Variants in MDFIC2 observed in about 807,000 individuals in gnomAD.
MDFIC2 encodes myoD family inhibitor domain-containing protein 2.
chr3:70,261,143 T>C (rs1326335969), intron 2 of MDFIC2, among the ~76,000 whole-genome samples: 1 of 152,202 alleles, frequency 6.6e-6, no homozygotes, highest in Non-Finnish European at 1.5e-5. Flanking sequence ...TAGCAGATAA[T>C]ATTGTATTTC....
chr3:70,293,045 CAAAA>C (rs55990203), intron 2 of MDFIC2, among the ~76,000 whole-genome samples: 14 of 74,780 alleles, frequency 1.9e-4, no homozygotes, highest in African/African-American at 4.9e-4. Context: ...TGGTTTGAAG[CAAAA>C]AAAAAAAAAA....
At chr3:70,201,253 T>C (rs572673180) in intron 3 of MDFIC2, among the ~76,000 whole-genome samples, 11 of 152,262 alleles carry the variant, frequency 7.2e-5, no homozygotes, top group African/African-American at 2.6e-4. Flanking sequence ...TGTGTTTATG[T>C]GTTCTCATCA....
intron 2 of MDFIC2, among the ~76,000 whole-genome samples, chr3:70,290,572 C>T (rs1702225685): frequency 1.3e-5 from 2 of 152,258 alleles, no homozygotes; most frequent in African/African-American, 2.4e-5. Flanking sequence ...CCTCCTTGAG[C>T]TGTGGTGGGC....
At chr3:70,233,518 A>G (rs1701580709) in intron 2 of MDFIC2, among the ~76,000 whole-genome samples, 1 of 152,198 alleles carries the variant, frequency 6.6e-6, no homozygotes, top group South Asian at 2.1e-4. Context: ...ATAATTGACA[A>G]GGCTTTAAAG....
chr3:70,306,445 G>A (rs746453031), intron 2 of MDFIC2, among the ~76,000 whole-genome samples: 29 of 152,196 alleles, frequency 1.9e-4, no homozygotes, highest in Middle Eastern at 3.4e-3. Flanking sequence ...GATTGAAGTC[G>A]TCATGTGACT....
In MDFIC2 at chr3:70,195,726, C is replaced by A. The variant is rs1476593027; in HGVS notation, c.*1200G>T. Among the ~76,000 whole-genome samples, 1 of 152,012 alleles carries A rather than the reference C, an allele frequency of 6.6e-6. No homozygotes were observed. The highest frequency in any genetic ancestry group is 1.5e-5 in the Non-Finnish European group (1 of 68,004). On this transcript the variant is annotated 3_prime_UTR_variant, in exon 4 of 4. Coordinates refer to ENST00000567252, the MANE Select transcript of MDFIC2 (RefSeq NM_001364677.1). ...ATTCAGTGAAAATATTAAGATATAT[C>A]CATGGAAATTAACACAAAGTAATGA...
intron 3 of MDFIC2, among the ~76,000 whole-genome samples, chr3:70,198,162 A>T (rs921969531): frequency 6.6e-6 from 1 of 152,170 alleles, no homozygotes. Flanking sequence ...TAAAATCAGT[A>T]ATCTGAAGAT....
At chr3:70,253,474 C>A (rs1701788314) in intron 2 of MDFIC2, among the ~76,000 whole-genome samples, 2 of 152,196 alleles carry the variant, frequency 1.3e-5, no homozygotes, top group African/African-American at 4.8e-5. Context: ...TTTCATCCAG[C>A]TGGGCACAGT....
intron 2 of MDFIC2, among the ~76,000 whole-genome samples, chr3:70,229,027 G>A (rs1244173605): frequency 6.6e-6 from 1 of 152,108 alleles, no homozygotes; most frequent in Non-Finnish European, 1.5e-5. Flanking sequence ...ACCAATGCAG[G>A]GCACCCCACT....
chr3:70,291,796 A>G (rs1047417407), intron 2 of MDFIC2: 2 of 152,224 alleles, frequency 1.3e-5, no homozygotes, highest in African/African-American at 4.8e-5. Context: ...TAAATTTTGA[A>G]TAATACATTG....
At chr3:70,243,742 A>G (rs777755817) in intron 2 of MDFIC2, among the ~76,000 whole-genome samples, 2 of 152,136 alleles carry the variant, frequency 1.3e-5, no homozygotes, top group African/African-American at 2.4e-5. Context: ...TCACTGATCT[A>G]AAGCAAGATT....
At chr3:70,203,685 C>A (rs1192475072) in intron 3 of MDFIC2, among the ~76,000 whole-genome samples, 1 of 151,898 alleles carries the variant, frequency 6.6e-6, no homozygotes, top group Non-Finnish European at 1.5e-5. Flanking sequence ...TTCAGTAGTC[C>A]ATGGTGTAAT....
intron 2 of MDFIC2, among the ~76,000 whole-genome samples, chr3:70,310,313 A>C (rs1204592870): frequency 1.3e-5 from 2 of 151,896 alleles, no homozygotes; most frequent in Admixed American, 1.3e-4. Context: ...GGCAGAAATA[A>C]TCATCTTTTT....
At chr3:70,308,435 A>T (rs763057408) in intron 2 of MDFIC2, among the ~76,000 whole-genome samples, 1 of 152,104 alleles carries the variant, frequency 6.6e-6, no homozygotes, top group Admixed American at 6.6e-5. Context: ...TTTTAAAATG[A>T]ATGATTTTTT....
chr3:70,214,312 G>C (rs1701384086), intron 2 of MDFIC2, among the ~76,000 whole-genome samples: 4 of 152,188 alleles, frequency 2.6e-5, no homozygotes, highest in Non-Finnish European at 4.4e-5. Flanking sequence ...GTTTTGATTT[G>C]TCTTCTGTAG....
intron 2 of MDFIC2, among the ~76,000 whole-genome samples, chr3:70,237,979 C>CTGTTTTTTTTTTTTTTT (rs1701627865): frequency 6.1e-5 from 3 of 48,942 alleles, no homozygotes; most frequent in African/African-American, 1.1e-4. Flanking sequence ...TGAGTGGTAT[C>CTGTTTTTTTTTTTTTTT]TTTTTTTTTT....
chr3:70,217,213 A>C (rs1701421069), intron 2 of MDFIC2, among the ~76,000 whole-genome samples: 1 of 152,132 alleles, frequency 6.6e-6, no homozygotes, highest in Non-Finnish European at 1.5e-5. Flanking sequence ...AGGGAATTAA[A>C]GAATGCTTAG....
intron 2 of MDFIC2, among the ~76,000 whole-genome samples, chr3:70,286,143 T>C (rs1702160652): frequency 6.6e-6 from 1 of 152,244 alleles, no homozygotes; most frequent in South Asian, 2.1e-4. Flanking sequence ...CATGCCTATG[T>C]CCTGAATGGT....
At chr3:70,272,360 A>G (rs1390741897) in intron 2 of MDFIC2, 1 of 152,176 alleles carries the variant, frequency 6.6e-6, no homozygotes, top group Non-Finnish European at 1.5e-5. Flanking sequence ...CTAAGATTTC[A>G]TACACTATGT....
Sources: allele counts gnomAD v4.1 joint callset (sites outside exome capture counted in the v4.1 genomes callset), GRCh38; gene constraint gnomAD v4.1.1; transcripts MANE v1.5; gene names NCBI Gene and HGNC (gene_info 2026-07-23, HGNC 2026-07-21).